Variants in CNTNAP2 observed in about 807,000 individuals in gnomAD.
The protein encoded by CNTNAP2 is contactin associated protein 2.
Under a neutral mutation model 155.2 loss-of-function variants are expected in CNTNAP2, and 98 were observed. The ratio of observed to expected loss-of-function variants is 0.63; its 90% CI spans 0.54 to 0.75. The LOEUF (loss-of-function observed/expected upper bound fraction) is 0.75. Ranked by LOEUF, CNTNAP2 falls within the 30% of genes least tolerant of loss-of-function variation. The pLI, the probability that CNTNAP2 is intolerant of heterozygous loss-of-function variation, is 0.00. For synonymous variants in CNTNAP2, 651 were observed against 631.2 expected, an observed-to-expected ratio of 1.03 and a Z score of -0.47; for missense variants, 1,727 against 1,688.1, an observed-to-expected ratio of 1.02 and a Z score of -0.40.
intron 8 of CNTNAP2, among the ~76,000 whole-genome samples, chr7:147,179,573 A>G (rs966576782): frequency 1.6e-4 from 24 of 152,178 alleles, no homozygotes; most frequent in African/African-American, 5.3e-4. Flanking sequence ...AAACCAGTTG[A>G]CCCATTTTGT....
intron 1 of CNTNAP2, among the ~76,000 whole-genome samples, chr7:146,218,388 A>C (rs1799150563): frequency 6.6e-6 from 1 of 152,108 alleles, no homozygotes; most frequent in Non-Finnish European, 1.5e-5. Context: ...GGGCGCCCGT[A>C]GTCCCAGCTA....
chr7:146,569,994 C>A (rs1222948958), intron 1 of CNTNAP2, among the ~76,000 whole-genome samples: 1 of 152,154 alleles, frequency 6.6e-6, no homozygotes, highest in Non-Finnish European at 1.5e-5. Flanking sequence ...GTGTATATAT[C>A]TTTTTCCTTC....
intron 9 of CNTNAP2, among the ~76,000 whole-genome samples, chr7:147,301,592 CTGTGTGTGTGTGTGTGTGTGTGTGTG>C (rs10585570): frequency 0.05 from 5,143 of 101,886 alleles, 129 homozygotes; most frequent in South Asian, 0.079. Flanking sequence ...CTCTCTCTCT[CTGTGTGTGTGTGTGTGTGTGTGTGTG>C]TGTGTGTGTG....
chr7:147,241,934 A>T (rs1356365832), intron 8 of CNTNAP2, among the ~76,000 whole-genome samples: 1 of 152,190 alleles, frequency 6.6e-6, no homozygotes, highest in Non-Finnish European at 1.5e-5. Context: ...CTAATCTCAT[A>T]TCTAGTTATT....
At chr7:147,450,341 T>C (rs1203005742) in intron 10 of CNTNAP2, among the ~76,000 whole-genome samples, 1 of 152,216 alleles carries the variant, frequency 6.6e-6, no homozygotes, top group Non-Finnish European at 1.5e-5. Flanking sequence ...AACATTATCC[T>C]CATGCTACAG....
At chr7:148,283,305 AAGGAAGG>A (rs1194674392) in intron 21 of CNTNAP2, among the ~76,000 whole-genome samples, 1 of 58,452 alleles carries the variant, frequency 1.7e-5, no homozygotes, top group Non-Finnish European at 3.3e-5. Flanking sequence ...GAAAGAAAGA[AAGGAAGG>A]AAGGAAGGAA....
At chr7:146,444,783 G>A (rs574709372) in intron 1 of CNTNAP2, among the ~76,000 whole-genome samples, 18 of 151,190 alleles carry the variant, frequency 1.2e-4, no homozygotes, top group Admixed American at 2.6e-4. Flanking sequence ...TCAGCCTCCC[G>A]TGTAGCTGGG....
At chr7:146,832,839 G>A (rs893334204) in intron 2 of CNTNAP2, among the ~76,000 whole-genome samples, 1 of 151,848 alleles carries the variant, frequency 6.6e-6, no homozygotes, top group African/African-American at 2.4e-5. Context: ...GGGATTACGG[G>A]CACCCGCCAC....
At chr7:147,601,644 A>AAAAAAAT (rs1299075338) in intron 12 of CNTNAP2, among the ~76,000 whole-genome samples, 32 of 87,456 alleles carry the variant, frequency 3.7e-4, no homozygotes, top group Admixed American at 7.4e-4. Flanking sequence ...CTTAAAAAAA[A>AAAAAAAT]ATATATATAT....
At chr7:147,199,632 C>G (rs567057180) in intron 8 of CNTNAP2, among the ~76,000 whole-genome samples, 53 of 148,034 alleles carry the variant, frequency 3.6e-4, no homozygotes, top group Non-Finnish European at 5.4e-4. Flanking sequence ...TTTTGTAGGG[C>G]TTGTTGTTGT....
intron 11 of CNTNAP2, among the ~76,000 whole-genome samples, chr7:147,487,343 ATGAT>A (rs1171313250): frequency 1.3e-5 from 2 of 152,320 alleles, no homozygotes; most frequent in East Asian, 1.9e-4. Flanking sequence ...AAGAACAAAA[ATGAT>A]TGATACTGAA....
chr7:147,967,922 T>C (rs1046899419), intron 14 of CNTNAP2, among the ~76,000 whole-genome samples: 1 of 152,122 alleles, frequency 6.6e-6, no homozygotes, highest in African/African-American at 2.4e-5. Flanking sequence ...ATACTAAAAA[T>C]ATTTCAAGAG....
chr7:147,832,253 A>G (rs888461610), intron 13 of CNTNAP2, among the ~76,000 whole-genome samples: 1 of 87,738 alleles, frequency 1.1e-5, no homozygotes, highest in Non-Finnish European at 2.3e-5. Flanking sequence ...ATTAAATTAT[A>G]CATTTAATTA....
At position 147,699,232 on chromosome 7, in the gene CNTNAP2, T is replaced by TAA. The variant is rs202135443; in HGVS notation, c.2098+59940_2098+59941dup. ...TGCCTCATCCCCACTAAAATTCTAT[T>TAA]AAAAAAAAAAAAAAACGCTTTTTAA... On this transcript the variant is annotated intron_variant, in intron 13 of 23. Coordinates refer to ENST00000361727, the MANE Select transcript of CNTNAP2 (RefSeq NM_014141.6). 2.2e-4 allele frequency among the ~76,000 whole-genome samples: 27 copies of TAA among 125,398 alleles called. No individual in the cohort carries two copies. In the East Asian group the frequency reaches 4.9e-3, roughly 23 times the overall value. 82.3% of individuals were successfully genotyped at this position (125,398 alleles called of 152,430 possible).
intron 2 of CNTNAP2, among the ~76,000 whole-genome samples, chr7:146,790,520 A>G (rs1563231812): frequency 6.6e-6 from 1 of 151,920 alleles, no homozygotes; most frequent in Non-Finnish European, 1.5e-5. Flanking sequence ...ATACGTCCAA[A>G]TGATGCAACT....
intron 20 of CNTNAP2, among the ~76,000 whole-genome samples, chr7:148,239,440 G>A (rs1386572769): frequency 6.6e-6 from 1 of 152,168 alleles, no homozygotes; most frequent in African/African-American, 2.4e-5. Context: ...TTGGGAAGTT[G>A]CCCATTAATT....
chr7:146,378,491 C>T (rs568368479), intron 1 of CNTNAP2, among the ~76,000 whole-genome samples: 1 of 152,212 alleles, frequency 6.6e-6, no homozygotes, highest in Non-Finnish European at 1.5e-5. Flanking sequence ...TGTGCATTAC[C>T]TTATATTATT....
chr7:146,492,397 A>G (rs1376314257), intron 1 of CNTNAP2, among the ~76,000 whole-genome samples: 1 of 152,200 alleles, frequency 6.6e-6, no homozygotes, highest in Non-Finnish European at 1.5e-5. Context: ...TTGGGAAACT[A>G]TTTTATTGAG....
chr7:146,197,381 A>G (rs17169974), intron 1 of CNTNAP2, among the ~76,000 whole-genome samples: 2,331 of 152,300 alleles, frequency 0.015, 52 homozygotes, highest in African/African-American at 0.052. Flanking sequence ...ATTGATAGGT[A>G]TTTAAACTGA....
Sources: allele counts gnomAD v4.1 joint callset (sites outside exome capture counted in the v4.1 genomes callset), GRCh38; gene constraint gnomAD v4.1.1; transcripts MANE v1.5; gene names NCBI Gene and HGNC (gene_info 2026-07-23, HGNC 2026-07-21).